The following SLC25A41 variants were observed in gnomAD, a reference collection of about 807,000 sequenced individuals.
The protein encoded by SLC25A41 is solute carrier family 25 member 41, also known as mitochondrial carrier protein SCaMC-3L.
SLC25A41 carries 35 observed loss-of-function variants against 34.7 expected under a neutral mutation model. The observed-to-expected ratio is 1.01, with a 90% CI of 0.77 to 1.34. The LOEUF (loss-of-function observed/expected upper bound fraction) is 1.34, where lower values mean the gene tolerates loss of function less well. SLC25A41 is among the 40% of genes most tolerant of loss of function. The probability of loss-of-function intolerance (pLI) is 0.00; values close to 1 mark genes in which losing one functional copy is unlikely to be tolerated. For synonymous variants in SLC25A41, 190 were observed against 209.9 expected (o/e 0.91, Z 0.82); for missense variants, 492 against 489.8 (o/e 1.00, Z -0.04).
chr19:6,434,991 G>A (rs2145151771), upstream of SLC25A41, among the ~76,000 whole-genome samples: 1 of 152,086 alleles, frequency 6.6e-6, no homozygotes. Flanking sequence ...GGGAGGTCAA[G>A]GCAGGTGGAT....
In SLC25A41 at chr19:6,429,166, T is replaced by TATATATATGTTATATATATA. The variant is rs2092267661; in HGVS notation, c.624+557_624+558insTATATATATAACATATATAT. On this transcript the variant is annotated intron_variant, in intron 4 of 6. Transcript: ENST00000321510. Reference sequence around the variant, plus strand: ...TATAATATATATATTATATATATAATATATATATAATATATATATGTTATA... The same window carrying TATATATATGTTATATATATA: ...TATAATATATATATTATATATATAATATATATATGTTATATATATAATATATATAATATATATATGTTATA... 5.8e-5 allele frequency among the ~76,000 whole-genome samples: 2 copies of TATATATATGTTATATATATA among 34,530 alleles called. 1 individual carries two copies. Among genetic ancestry groups the TATATATATGTTATATATATA allele is most frequent in the Non-Finnish European group, 9.6e-5 (2 of 20,798 alleles). The allele number at this position is 34,530 out of a possible 152,430, so 22.7% of individuals were successfully genotyped here.
rs2092239269 is a variant in SLC25A41 at position 6,426,262 on chromosome 19, AGCCTG to A, written c.*122_*126del. On this transcript the variant is annotated 3_prime_UTR_variant, in exon 7 of 7. Coordinates refer to ENST00000321510, the MANE Select transcript of SLC25A41 (RefSeq NM_173637.4). ...GACCCAGAGCCCCACCCCCACCCCC[AGCCTG>A]CTTTTGCCACCAAAAACTGCCCCAG... The A allele has an allele frequency of 3.2e-5, 2 of 62,378 alleles. No homozygotes were observed. Among genetic ancestry groups the A allele is most frequent in the Admixed American group, 7.2e-4 (1 of 1,384 alleles). 3.9% of individuals were successfully genotyped at this position (62,378 alleles called of 1,614,324 possible).
chr19:6,428,416 GAAAA>G (rs1190681835), intron 4 of SLC25A41, among the ~76,000 whole-genome samples: 7 of 143,484 alleles, frequency 4.9e-5, no homozygotes, highest in South Asian at 2.2e-4. Flanking sequence ...AAAAAAAAAA[GAAAA>G]AGAAAGAAAA....
upstream of SLC25A41, chr19:6,436,250 AAG>A (rs2144681520): frequency 6.1e-6 from 2 of 326,520 alleles, no homozygotes; most frequent in African/African-American, 4.3e-5. Context: ...TTTGAAGTAT[AAG>A]AGTCTAAGAT....
chr19:6,432,318 A>ATTTT (rs374854148), intron 1 of SLC25A41, 114 bp from the exon 2 acceptor site: 1 of 991,774 alleles, frequency 1.0e-6, no homozygotes, highest in Non-Finnish European at 1.4e-6. Context: ...CCAAGTCTGC[A>ATTTT]TTTTTTTTTT....
chr19:6,435,178 C>A (rs955442355), upstream of SLC25A41, among the ~76,000 whole-genome samples: 14 of 141,364 alleles, frequency 9.9e-5, no homozygotes, highest in Non-Finnish European at 1.7e-4. Context: ...GAGCTGAGAT[C>A]TTGCCACTGA....
chr19:6,429,396 A>G (rs111064559), intron 4 of SLC25A41, among the ~76,000 whole-genome samples: 426 of 1,906 alleles, frequency 0.22, 129 homozygotes, highest in African/African-American at 0.61. Context: ...AGGGGAGGAG[A>G]AGGGAGAAAG....
chr19:6,434,702 A>G (rs942735967), upstream of SLC25A41, among the ~76,000 whole-genome samples: 1 of 152,118 alleles, frequency 6.6e-6, no homozygotes, highest in Non-Finnish European at 1.5e-5. Flanking sequence ...TGAGGTCAGG[A>G]GTTCGAGACC....
intron 1 of SLC25A41, 86 bp downstream of exon 1, chr19:6,433,401 G>T: frequency 7.4e-7 from 1 of 1,345,558 alleles, no homozygotes; most frequent in Non-Finnish European, 1.1e-6. Flanking sequence ...TAGCAGGGGA[G>T]TGGGCCTGTA....
upstream of SLC25A41, among the ~76,000 whole-genome samples, chr19:6,434,424 A>G (rs1389689801): frequency 6.6e-6 from 1 of 152,224 alleles, no homozygotes; most frequent in Non-Finnish European, 1.5e-5. Flanking sequence ...GGGAGGACGC[A>G]GCAAGAAGGC....
intron 6 of SLC25A41, 140 bp downstream of exon 6, chr19:6,426,963 C>G: frequency 1.1e-6 from 1 of 916,526 alleles, no homozygotes. Flanking sequence ...ATTTTTGAGA[C>G]GCAGTCTCAA....
At chr19:6,426,668 G>T in intron 6 of SLC25A41, 107 bp from the exon 7 acceptor site, 1 of 1,224,022 alleles carries the variant, frequency 8.2e-7, no homozygotes, top group Non-Finnish European at 1.1e-6. Flanking sequence ...GGCCCCAGGG[G>T]TCAGTAGGAA....
In SLC25A41 at chr19:6,427,079, G is replaced by C. The variant is rs1202652381; in HGVS notation, c.940+24C>G. Reference sequence around the variant, plus strand: ...GGTGGGGCGGGGAAGGGGCATGCGTGGTGGCCGCTGGGGACAGGCTGACCT... The same window carrying C: ...GGTGGGGCGGGGAAGGGGCATGCGTCGTGGCCGCTGGGGACAGGCTGACCT... On this transcript the variant is annotated intron_variant, in intron 6 of 6. Coordinates refer to ENST00000321510, the MANE Select transcript of SLC25A41 (RefSeq NM_173637.4). This position sits in a 1 kb window ranked among gnomAD's most constrained non-coding sequence, Gnocchi z 4.9. The C allele has an allele frequency of 5.1e-6, 8 of 1,578,940 alleles. No individual in the cohort carries two copies. In the Admixed American group the frequency reaches 1.3e-4, roughly 25 times the overall value.
Position 6,426,411 on chromosome 19 carries a change from A to T in SLC25A41, c.1091T>A (p.Met364Lys), listed in dbSNP as rs769292846. The T allele has an allele frequency of 3.5e-5, 56 of 1,613,486 alleles. No homozygotes were observed. In the South Asian group the frequency reaches 4.0e-4, roughly 11 times the overall value. ...AGCCTATATGCCCAGGGTTTTCTTCATGGCTTCGTACACCACATAGCTGAT... is the reference window on the plus strand; with the variant it reads ...AGCCTATATGCCCAGGGTTTTCTTCTTGGCTTCGTACACCACATAGCTGAT... ...GGISYVVYEA[M>K]KKTLGI The change falls in exon 7 of 7, where the codon ATG becomes AAG. Residue 364 changes from methionine (M) to lysine (K), a missense_variant. Physicochemically the swap from Met to Lys is moderately conservative, Grantham distance 95. Coordinates refer to ENST00000321510, the MANE Select transcript of SLC25A41 (RefSeq NM_173637.4).
At position 6,427,306 on chromosome 19, in the gene SLC25A41, C is replaced by A. The variant is rs778157601; in HGVS notation, c.792+28G>T. On this transcript the variant is annotated intron_variant, in intron 5 of 6. Coordinates refer to ENST00000321510, the MANE Select transcript of SLC25A41 (RefSeq NM_173637.4). This position sits in a 1 kb window ranked among gnomAD's most constrained non-coding sequence, Gnocchi z 4.9. ...ACTAGGAGCCTGGGCTCCGGCCAGC[C>A]CTGCCACCCCCTCTGCAGGACCCAT... 1.3e-5 allele frequency: 21 copies of A among 1,605,516 alleles called. No homozygotes were observed. In the Middle Eastern group the frequency reaches 5.0e-4, roughly 38 times the overall value.
rs1364243756 is a variant in SLC25A41, at chr19:6,429,037, A to G, written c.624+687T>C. 5.1e-5 allele frequency among the ~76,000 whole-genome samples: 2 copies of G among 39,238 alleles called. 1 individual carries two copies. Among genetic ancestry groups the G allele is most frequent in the Admixed American group, 1.0e-3 (2 of 1,908 alleles). The allele number at this position is 39,238 out of a possible 152,430, so 25.7% of individuals were successfully genotyped here. A position where few individuals can be genotyped will look rare whatever the true frequency, so the allele number is the denominator to read the frequency against. On this transcript the variant is annotated intron_variant, in intron 4 of 6. Transcript: ENST00000321510. Reference sequence around the variant, plus strand: ...GGCCTGAAAATTTATATATATATATATAATATATATATTATATATATGTTA... The same window carrying G: ...GGCCTGAAAATTTATATATATATATGTAATATATATATTATATATATGTTA...
chr19:6,429,826 C>A lies in SLC25A41; in HGVS notation c.522G>T (p.Lys174Asn), dbSNP rs766666815. 3 of 1,610,532 alleles carry A rather than the reference C, an allele frequency of 1.9e-6. No homozygotes were observed. The highest frequency in any genetic ancestry group is 2.2e-5 in the East Asian group (1 of 44,836). ...AIKFSVFEQCKNYFCGIQGSP... is the reference protein window; with the variant it reads ...AIKFSVFEQCNNYFCGIQGSP... The stretch of plus-strand genomic sequence containing the variant: ...ACCCTTGTATTCCACAGAAGTAATT[C>A]TTGCACTGGGAGAGGAGAGAGGAGG... The change falls in exon 4 of 7, where the codon AAG becomes AAT. Residue 174 changes from lysine (K) to asparagine (N), a missense_variant. Physicochemically the swap from Lys to Asn is moderately conservative, Grantham distance 94. Coordinates refer to ENST00000321510, the MANE Select transcript of SLC25A41 (RefSeq NM_173637.4).
In SLC25A41 at chr19:6,432,130, C is replaced by G. The variant is rs376965446; in HGVS notation, c.282G>C (p.Lys94Asn). 1.9e-6 allele frequency: 3 copies of G among 1,613,872 alleles called. No homozygotes were observed. The African/African-American group carries it at 4.0e-5, about 22-fold the overall frequency. The change falls in exon 2 of 7, where the codon AAG becomes AAC. Residue 94 changes from lysine (K) to asparagine (N), a missense_variant. Lys to Asn is a moderately conservative substitution (Grantham distance 94). Coordinates refer to ENST00000321510, the MANE Select transcript of SLC25A41 (RefSeq NM_173637.4). ...CGGCCATAGCTCCTGAGAGTAGAAA[C>G]TTCCACAAGGCCTCCTTGTTATCCA... ...LEVDNKEALW[K>N]FLLSGAMAGA...
rs1568349771 is a variant in SLC25A41, at chr19:6,429,135, T to TATATA, written c.624+584_624+588dup. 8.0e-4 allele frequency among the ~76,000 whole-genome samples: 19 copies of TATATA among 23,892 alleles called. 3 individuals carry two copies. Among genetic ancestry groups the TATATA allele is most frequent in the African/African-American group, 3.2e-3 (18 of 5,594 alleles). 15.7% of individuals were successfully genotyped at this position (23,892 alleles called of 152,430 possible). On this transcript the variant is annotated intron_variant, in intron 4 of 6. Coordinates refer to ENST00000321510, the MANE Select transcript of SLC25A41 (RefSeq NM_173637.4). ...ATATATATATTATATATATGTTATATATATATATAATATATATATTATATA... is the reference window on the plus strand; with the variant it reads ...ATATATATATTATATATATGTTATATATATAATATATATAATATATATATTATATA...
Sources: gnomAD v4.1 joint callset for allele counts (sites outside exome capture counted in the v4.1 genomes callset) on GRCh38, gnomAD v4.1.1 for gene constraint, Gnocchi (gnomAD v3.1) non-coding constraint, MANE v1.5 for transcripts, NCBI Gene and HGNC (gene_info 2026-07-23, HGNC 2026-07-21) for gene names.